The following UGT1A6 variants were observed in gnomAD, a reference collection of about 807,000 sequenced individuals.
UGT1A6 encodes the protein UDP-glucuronosyltransferase 1A6.
In UGT1A6, 32 loss-of-function variants were observed where a neutral mutation model predicts 44.4. The observed-to-expected ratio is 0.72, with a 90% CI of 0.54 to 0.97. UGT1A6 has a LOEUF of 0.97. Among genes scored for constraint, UGT1A6 ranks in the 50% least tolerant of loss-of-function variants. The pLI is 0.00. For missense variants in UGT1A6, 685 were observed against 661.9 expected (o/e 1.03, Z -0.38); for synonymous variants, 238 against 248.5 (o/e 0.96, Z 0.40).
At chr2:233,705,496 C>T (rs190154138) in intron 1 of UGT1A6, among the ~76,000 whole-genome samples, 1 of 152,074 alleles carries the variant, frequency 6.6e-6, no homozygotes. Flanking sequence ...ATAATAAATA[C>T]CTTTTTAAGA....
intron 1 of UGT1A6, among the ~76,000 whole-genome samples, chr2:233,697,354 T>C (rs1438878315): frequency 6.6e-6 from 1 of 152,156 alleles, no homozygotes; most frequent in Non-Finnish European, 1.5e-5. Flanking sequence ...GGTTTTCTAA[T>C]TTGTTGGCAT....
intron 1 of UGT1A6, chr2:233,740,859 A>C (rs1179342634): frequency 6.6e-6 from 1 of 151,860 alleles, no homozygotes; most frequent in Non-Finnish European, 1.5e-5. Context: ...AATTCTAAAA[A>C]TTCTTTAAAT....
intron 1 of UGT1A6, among the ~76,000 whole-genome samples, chr2:233,745,147 T>C (rs1693024972): frequency 6.6e-6 from 1 of 151,864 alleles, no homozygotes; most frequent in Non-Finnish European, 1.5e-5. Flanking sequence ...CCCAAGTATA[T>C]GGAGGGTCAA....
chr2:233,707,287 A>G (rs1559355185), intron 1 of UGT1A6, among the ~76,000 whole-genome samples: 1 of 152,088 alleles, frequency 6.6e-6, no homozygotes, highest in Non-Finnish European at 1.5e-5. Context: ...CAGGGCACAC[A>G]TGCAGGATGT....
intron 1 of UGT1A6, among the ~76,000 whole-genome samples, chr2:233,752,746 AAAACAAAC>A (rs200752387): frequency 7.9e-5 from 12 of 152,308 alleles, no homozygotes; most frequent in East Asian, 1.9e-4. Context: ...CCCTGTCTCT[AAAACAAAC>A]AAACAAACAA....
chr2:233,761,011 G>T, intron 1 of UGT1A6: 1 of 1,614,156 alleles, frequency 6.2e-7, no homozygotes, highest in Non-Finnish European at 8.5e-7. Context: ...TCAGAGAGAG[G>T]TGACTGTCCA....
At chr2:233,768,134 C>CT (rs1360779750) in intron 3 of UGT1A6, 86 bp from the exon 4 acceptor site, 2 of 1,607,930 alleles carry the variant, frequency 1.2e-6, no homozygotes, top group African/African-American at 2.7e-5. Flanking sequence ...AACACTGAGT[C>CT]TTTGGAGTGT....
chr2:233,741,310 C>A (rs184999730), intron 1 of UGT1A6, among the ~76,000 whole-genome samples: 1 of 151,634 alleles, frequency 6.6e-6, no homozygotes, highest in Admixed American at 6.5e-5. Flanking sequence ...AGATACACAC[C>A]AACTCATTCT....
Position 233,760,817 on chromosome 2 carries a change from G to A in UGT1A6, c.862-6217G>A, listed in dbSNP as rs1373930486. 1 of 1,613,516 alleles carries A rather than the reference G, an allele frequency of 6.2e-7. No individual in the cohort carries two copies. Among genetic ancestry groups the A allele is most frequent in the South Asian group, 1.1e-5 (1 of 91,054 alleles). ...GTATTCTTCTTGCATGCACTGCCAT[G>A]CAGCCTGGAATTTGAGGCTACCCAG... On this transcript the variant is annotated intron_variant, in intron 1 of 4. Transcript: ENST00000305139.
At chr2:233,701,237 T>C (rs968886679) in intron 1 of UGT1A6, among the ~76,000 whole-genome samples, 1 of 152,184 alleles carries the variant, frequency 6.6e-6, no homozygotes, top group Admixed American at 6.5e-5. Context: ...ATATACCCAG[T>C]AATGAGATGG....
Position 233,768,342 on chromosome 2 carries a change from C to T in UGT1A6, c.1204C>T (p.Arg402Cys), listed in dbSNP as rs778766461. ...TGGTGATCAGATGGACAATGCAAAG[C>T]GCATGGAGACTAAGGGAGCTGGAGT... Reference protein sequence around the residue: ...LFGDQMDNAKRMETKGAGVTL... With the variant: ...LFGDQMDNAKCMETKGAGVTL... The change falls in exon 4 of 5, where the codon CGC becomes TGC. Residue 402 changes from arginine to cysteine, a missense_variant. By Grantham distance (180) the Arg-to-Cys change is radical. Transcript: ENST00000305139. 3.5e-5 allele frequency: 57 copies of T among 1,613,974 alleles called. No homozygotes were observed. Among genetic ancestry groups the T allele is most frequent in the Admixed American group, 3.3e-4 (20 of 59,976 alleles).
At chr2:233,735,449 C>T (rs1176154761) in intron 1 of UGT1A6, among the ~76,000 whole-genome samples, 6 of 152,110 alleles carry the variant, frequency 3.9e-5, no homozygotes, top group Admixed American at 1.3e-4. Flanking sequence ...ACCGATGGGC[C>T]TTGACTCTTT....
At chr2:233,747,308 T>C in intron 1 of UGT1A6, 5 of 1,602,886 alleles carry the variant, frequency 3.1e-6, no homozygotes, top group Non-Finnish European at 4.3e-6. Context: ...GGGAAGGTGC[T>C]GGTGGTACCC....
intron 1 of UGT1A6, among the ~76,000 whole-genome samples, chr2:233,695,128 T>C (rs2075262409): frequency 9.2e-6 from 1 of 109,188 alleles, no homozygotes; most frequent in African/African-American, 4.0e-5. Context: ...CCCTTTTCTT[T>C]TCTTTTTTTT....
intron 1 of UGT1A6, among the ~76,000 whole-genome samples, chr2:233,749,753 G>C (rs1694269310): frequency 1.3e-5 from 2 of 151,876 alleles, no homozygotes; most frequent in South Asian, 2.1e-4. Flanking sequence ...TAGTGAGTGA[G>C]TTCTTATGAG....
chr2:233,745,697 C>A (rs1481234082), intron 1 of UGT1A6, among the ~76,000 whole-genome samples: 2 of 147,560 alleles, frequency 1.4e-5, no homozygotes, highest in African/African-American at 5.1e-5. Flanking sequence ...GTTTGGAGAA[C>A]AACAAGTGAT....
chr2:233,743,894 A>G, intron 1 of UGT1A6: 2 of 1,366,966 alleles, frequency 1.5e-6, no homozygotes, highest in Non-Finnish European at 9.8e-7. Context: ...GGGCACGTCC[A>G]GCACCTCGTA....
intron 1 of UGT1A6, among the ~76,000 whole-genome samples, chr2:233,710,797 C>T (rs544342575): frequency 6.6e-6 from 1 of 152,298 alleles, no homozygotes; most frequent in African/African-American, 2.4e-5. Context: ...GTGTTTTGTA[C>T]CCCTCGTGCC....
chr2:233,746,205 C>G (rs547152411), intron 1 of UGT1A6, among the ~76,000 whole-genome samples: 7 of 151,856 alleles, frequency 4.6e-5, no homozygotes, highest in Admixed American at 2.6e-4. Flanking sequence ...TATAGCTATA[C>G]TCTAATAGCA....
Sources: gnomAD v4.1 joint callset for allele counts (sites outside exome capture counted in the v4.1 genomes callset) on GRCh38, gnomAD v4.1.1 for gene constraint, MANE v1.5 for transcripts, NCBI Gene and HGNC (gene_info 2026-07-23, HGNC 2026-07-21) for gene names.